The following CDHR3 variants were observed in gnomAD, a reference collection of about 807,000 sequenced individuals.
CDHR3 encodes cadherin-related family member 3.
A neutral mutation model predicts 86.6 loss-of-function variants in CDHR3; 79 were observed. The ratio of observed to expected loss-of-function variants is 0.91; its 90% confidence interval spans 0.76 to 1.10. The LOEUF is 1.10. Among genes scored for constraint, CDHR3 ranks in the 50% least tolerant of loss-of-function variants. The pLI, the probability that CDHR3 is intolerant of heterozygous loss-of-function variation, is 0.00. For synonymous variants in CDHR3, 421 were observed against 402.4 expected (o/e 1.05, Z -0.55); for missense variants, 1,081 against 1,077.6 (o/e 1.00, Z -0.04).
intron 1 of CDHR3, among the ~76,000 whole-genome samples, chr7:105,971,087 G>T (rs866052276): frequency 6.7e-6 from 1 of 149,726 alleles, no homozygotes; most frequent in East Asian, 2.0e-4. Context: ...CTTGCAGTGA[G>T]CCAAGATCGC....
At chr7:105,978,405 T>A (rs535700532) in intron 2 of CDHR3, among the ~76,000 whole-genome samples, 1 of 152,232 alleles carries the variant, frequency 6.6e-6, no homozygotes. Context: ...TCCCATCTAC[T>A]GTCGTGAGCA....
At chr7:105,985,853 A>C (rs1830441559) in intron 4 of CDHR3, among the ~76,000 whole-genome samples, 1 of 152,248 alleles carries the variant, frequency 6.6e-6, no homozygotes, top group African/African-American at 2.4e-5. Flanking sequence ...AACAAAACTT[A>C]ACCATGGGCG....
intron 4 of CDHR3, among the ~76,000 whole-genome samples, chr7:105,992,970 G>C (rs1220074268): frequency 6.6e-6 from 1 of 152,220 alleles, no homozygotes; most frequent in African/African-American, 2.4e-5. Flanking sequence ...CCTCAAAGGA[G>C]ACCTTTAATC....
rs746355095 is a variant in CDHR3 at position 106,026,710 on chromosome 7, T to C, written c.2272+15T>C. 13 of 1,613,582 alleles carry C rather than the reference T, an allele frequency of 8.1e-6. No homozygotes were observed. The highest frequency in any genetic ancestry group is 3.4e-6 in the Non-Finnish European group (4 of 1,179,570). On this transcript the variant is annotated intron_variant, in intron 16 of 18. Coordinates refer to ENST00000317716, the MANE Select transcript of CDHR3 (RefSeq NM_152750.5). The stretch of plus-strand genomic sequence containing the variant: ...AAAGAAAGGAGGTATGTACAGTACC[T>C]GTTTCCCTTGTCTGTTGTTTTTTGC...
intron 1 of CDHR3, among the ~76,000 whole-genome samples, chr7:105,966,264 C>A (rs181275710): frequency 1.3e-5 from 2 of 152,274 alleles, no homozygotes; most frequent in East Asian, 3.9e-4. Flanking sequence ...ATCCAAGGAA[C>A]CAGCTTTTGT....
chr7:106,028,915 A>ATT (rs894183384), intron 17 of CDHR3, among the ~76,000 whole-genome samples: 3 of 115,306 alleles, frequency 2.6e-5, no homozygotes, highest in Admixed American at 8.2e-5. Flanking sequence ...TGAGATTTAA[A>ATT]TTTTCTTTCT....
At chr7:106,002,973 A>T (rs1014585140) in intron 7 of CDHR3, among the ~76,000 whole-genome samples, 2 of 151,696 alleles carry the variant, frequency 1.3e-5, no homozygotes, top group Non-Finnish European at 2.9e-5. Context: ...GTCTCTACTA[A>T]AAGTTTAAAA....
chr7:105,990,867 C>G (rs954737016), intron 4 of CDHR3, among the ~76,000 whole-genome samples: 1 of 152,140 alleles, frequency 6.6e-6, no homozygotes, highest in Admixed American at 6.5e-5. Flanking sequence ...TGGGCCAGCT[C>G]CCTCTCACCT....
intron 1 of CDHR3, among the ~76,000 whole-genome samples, chr7:105,966,150 C>T (rs960755377): frequency 1.9e-4 from 29 of 152,272 alleles, no homozygotes; most frequent in Non-Finnish European, 3.5e-4. Flanking sequence ...CTCCATCAGT[C>T]CCAAAGGATC....
chr7:105,976,502 C>G (rs575084375), intron 2 of CDHR3, among the ~76,000 whole-genome samples: 2 of 152,150 alleles, frequency 1.3e-5, no homozygotes, highest in Non-Finnish European at 2.9e-5. Context: ...TTGTACAATT[C>G]GGTAGTTTTT....
intron 2 of CDHR3, among the ~76,000 whole-genome samples, chr7:105,980,608 T>TTA (rs1829546924): frequency 6.5e-5 from 2 of 30,794 alleles, no homozygotes; most frequent in African/African-American, 2.5e-4. Context: ...TTTTTTTTAA[T>TTA]TTTTTTTTTT....
intron 8 of CDHR3, among the ~76,000 whole-genome samples, chr7:106,012,011 A>G (rs1390775714): frequency 6.6e-6 from 1 of 152,242 alleles, no homozygotes; most frequent in Non-Finnish European, 1.5e-5. Context: ...TGAGGGGTAC[A>G]GGGATTCTCC....
At chr7:106,010,867 T>G (rs1834694164) in intron 8 of CDHR3, among the ~76,000 whole-genome samples, 2 of 152,190 alleles carry the variant, frequency 1.3e-5, no homozygotes, top group Non-Finnish European at 2.9e-5. Context: ...AAAAGGTAGT[T>G]GGACATATTC....
chr7:105,974,725 T>C lies in CDHR3; in HGVS notation c.47-119T>C, dbSNP rs1828530328. 6.9e-6 allele frequency: 5 copies of C among 719,876 alleles called. No homozygotes were observed. In the South Asian group the frequency reaches 7.0e-5, roughly 10 times the overall value. The allele number at this position is 719,876 out of a possible 1,614,324, so 44.6% of individuals were successfully genotyped here. A position where few individuals can be genotyped will look rare whatever the true frequency, so the allele number is the denominator to read the frequency against. On this transcript the variant is annotated intron_variant, in intron 1 of 18. Coordinates refer to ENST00000317716, the MANE Select transcript of CDHR3 (RefSeq NM_152750.5). Reference sequence around the variant, plus strand: ...GGCAAGAGCGTTTGTTCTCGGGGAGTGACCAGCTCTCATCGTCACCCTGAG... The same window carrying C: ...GGCAAGAGCGTTTGTTCTCGGGGAGCGACCAGCTCTCATCGTCACCCTGAG...
rs186958778 is a variant in CDHR3, at chr7:105,987,980, T to A, written c.513+3691T>A. On this transcript the variant is annotated intron_variant, in intron 4 of 18. Coordinates refer to ENST00000317716, the MANE Select transcript of CDHR3 (RefSeq NM_152750.5). ...ATCACAGCTCACTGCAGCCTCAACT[T>A]TCCTGGCTCAGGTGATCCTTCCACC... Among the ~76,000 whole-genome samples the A allele has an allele frequency of 5.4e-4, 83 of 152,322 alleles. No homozygotes were observed. In the East Asian group the frequency reaches 0.014, roughly 25 times the overall value.
rs1214464904 is a variant in CDHR3, at chr7:106,015,239, T to G, written c.1327+26T>G. On this transcript the variant is annotated intron_variant, in intron 10 of 18. Transcript: ENST00000317716. ...GCAAGTATCATTTTGTTTTATTTCA[T>G]GATTGTCTTTCTTGAGTATCAATGA... The G allele has an allele frequency of 4.5e-6, 7 of 1,563,166 alleles. No homozygotes were observed. In the South Asian group the frequency reaches 8.2e-5, roughly 18 times the overall value.
At chr7:105,969,265 G>A (rs1739523413) in intron 1 of CDHR3, among the ~76,000 whole-genome samples, 1 of 150,480 alleles carries the variant, frequency 6.6e-6, no homozygotes, top group Non-Finnish European at 1.5e-5. Context: ...CGGGCGAGGT[G>A]GCGGGCGCCT....
rs377271569 is a variant in CDHR3 at position 106,015,996 on chromosome 7, A to G, written c.1397A>G (p.Tyr466Cys). Residue 466 changes from tyrosine to cysteine, a missense_variant, in exon 11 of 19, where the codon TAT (tyrosine) becomes TGT (cysteine). Coordinates refer to ENST00000317716, the MANE Select transcript of CDHR3 (RefSeq NM_152750.5). ...EFPLIFDRPS[Y>C]VFDVSERRPA... ...CCTCTCATTTTTGATAGGCCATCCT[A>G]TGTATTTGATGTGTCAGAAAGAAGG... 4.3e-6 allele frequency: 7 copies of G among 1,612,050 alleles called. No individual in the cohort carries two copies. In the East Asian group the frequency reaches 1.3e-4, roughly 31 times the overall value.
At chr7:106,021,264 C>G (rs1288353016) in intron 13 of CDHR3, among the ~76,000 whole-genome samples, 1 of 152,034 alleles carries the variant, frequency 6.6e-6, no homozygotes, top group Non-Finnish European at 1.5e-5. Context: ...AGAACAATTC[C>G]ACGTGAGAGA....
Sources: allele counts gnomAD v4.1 joint callset (sites outside exome capture counted in the v4.1 genomes callset), GRCh38; gene constraint gnomAD v4.1.1; transcripts MANE v1.5; gene names NCBI Gene and HGNC (gene_info 2026-07-23, HGNC 2026-07-21).